Variants in MBOAT1 observed in about 807,000 individuals in gnomAD.
The protein encoded by MBOAT1 is membrane-bound glycerophospholipid O-acyltransferase 1.
In MBOAT1, 67 loss-of-function variants were observed where a neutral mutation model predicts 64.4. That is an observed-to-expected ratio of 1.04 (90% confidence interval 0.85 to 1.27). The LOEUF (loss-of-function observed/expected upper bound fraction) is 1.27, where lower values mean the gene tolerates loss of function less well. Ranked by LOEUF, MBOAT1 falls within the 50% of genes most tolerant of loss-of-function variation. The pLI, the probability that MBOAT1 is intolerant of heterozygous loss-of-function variation, is 0.00. For synonymous variants in MBOAT1, 229 were observed against 218.9 expected, an observed-to-expected ratio of 1.05 and a Z score of -0.41; for missense variants, 563 against 604.6, an observed-to-expected ratio of 0.93 and a Z score of 0.72.
chr6:20,150,520 C>T (rs966564612), intron 3 of MBOAT1, among the ~76,000 whole-genome samples: 1 of 150,482 alleles, frequency 6.6e-6, no homozygotes, highest in African/African-American at 2.4e-5. Flanking sequence ...TTATCCACGA[C>T]ATTGAGTATA....
chr6:20,206,787 C>T (rs974441966), intron 1 of MBOAT1, among the ~76,000 whole-genome samples: 2 of 152,130 alleles, frequency 1.3e-5, no homozygotes, highest in African/African-American at 4.8e-5. Flanking sequence ...AGTTCCCCTG[C>T]TTGCTACACT....
intron 12 of MBOAT1, among the ~76,000 whole-genome samples, chr6:20,104,530 G>A (rs1178506905): frequency 6.6e-6 from 1 of 152,198 alleles, no homozygotes; most frequent in Non-Finnish European, 1.5e-5. Flanking sequence ...AATAAATACT[G>A]GGCCTATCAA....
chr6:20,118,044 T>C (rs1280456385), intron 9 of MBOAT1, among the ~76,000 whole-genome samples: 3 of 152,176 alleles, frequency 2.0e-5, no homozygotes, highest in African/African-American at 4.8e-5. Context: ...CATAGAACGT[T>C]TGCAATATTG....
chr6:20,169,024 A>G (rs532103850), intron 1 of MBOAT1, among the ~76,000 whole-genome samples: 1 of 152,330 alleles, frequency 6.6e-6, no homozygotes, highest in Admixed American at 6.5e-5. Flanking sequence ...CTCCTAAACA[A>G]CAACAACAAA....
At chr6:20,187,439 G>A in intron 1 of MBOAT1, among the ~76,000 whole-genome samples, 1 of 152,252 alleles carries the variant, frequency 6.6e-6, no homozygotes, top group Admixed American at 6.5e-5. Flanking sequence ...TACGGTGGGT[G>A]TTCATGGGGA....
At chr6:20,115,800 G>A (rs893236108) in intron 9 of MBOAT1, among the ~76,000 whole-genome samples, 2 of 152,072 alleles carry the variant, frequency 1.3e-5, no homozygotes, top group Admixed American at 1.3e-4. Context: ...GGTCAGTCTT[G>A]TGCAGTTAAC....
chr6:20,202,771 CTCTA>C (rs972544925), intron 1 of MBOAT1, among the ~76,000 whole-genome samples: 1 of 152,176 alleles, frequency 6.6e-6, no homozygotes, highest in African/African-American at 2.4e-5. Flanking sequence ...ACTGACGACT[CTCTA>C]TCCTTGTGTT....
chr6:20,197,139 T>G (rs1762977951), intron 1 of MBOAT1, among the ~76,000 whole-genome samples: 1 of 151,834 alleles, frequency 6.6e-6, no homozygotes, highest in African/African-American at 2.4e-5. Flanking sequence ...TTTAAATAGA[T>G]GGGAGTCTCA....
rs1378183602 is a variant in MBOAT1, at chr6:20,102,139, A to T, written c.*147T>A. 29 of 475,552 alleles carry T rather than the reference A, an allele frequency of 6.1e-5. No homozygotes were observed. The highest frequency in any genetic ancestry group is 8.3e-5 in the Non-Finnish European group (26 of 311,698). 29.5% of individuals were successfully genotyped at this position (475,552 alleles called of 1,614,324 possible). A position where few individuals can be genotyped will look rare whatever the true frequency, so the allele number is the denominator to read the frequency against. On this transcript the variant is annotated 3_prime_UTR_variant, in exon 13 of 13. Transcript: ENST00000324607. The stretch of plus-strand genomic sequence containing the variant: ...CAAAAAAAAAAAAAAAAAAAAAAAA[A>T]AAAAAATACTCCCTGCACTTTAAAA...
At chr6:20,122,225 C>T (rs528866000) in intron 8 of MBOAT1, among the ~76,000 whole-genome samples, 75 of 152,186 alleles carry the variant, frequency 4.9e-4, no homozygotes, top group East Asian at 9.7e-4. Flanking sequence ...AGTAGGCTTC[C>T]AACCATAGCA....
chr6:20,125,600 G>A (rs556799809), intron 7 of MBOAT1, among the ~76,000 whole-genome samples: 1 of 152,320 alleles, frequency 6.6e-6, no homozygotes, highest in South Asian at 2.1e-4. Context: ...AAAACACTAA[G>A]GTGACAGATA....
intron 1 of MBOAT1, among the ~76,000 whole-genome samples, chr6:20,207,921 A>G (rs940425940): frequency 2.6e-5 from 4 of 152,360 alleles, no homozygotes; most frequent in South Asian, 4.1e-4. Context: ...TAGAGTATAT[A>G]AGCCCTTGCA....
chr6:20,132,846 TA>T (rs1431684178), intron 4 of MBOAT1, among the ~76,000 whole-genome samples: 2 of 152,184 alleles, frequency 1.3e-5, no homozygotes, highest in Non-Finnish European at 2.9e-5. Context: ...CTAGTCTATA[TA>T]AAAACACTCT....
At chr6:20,203,041 C>T (rs1020661500) in intron 1 of MBOAT1, among the ~76,000 whole-genome samples, 16 of 152,172 alleles carry the variant, frequency 1.1e-4, no homozygotes, top group Non-Finnish European at 1.3e-4. Flanking sequence ...TGGTGGCTTC[C>T]GCCTGTAATC....
At chr6:20,112,474 CGGGGCA>C (rs1171932759) in intron 11 of MBOAT1, among the ~76,000 whole-genome samples, 1 of 152,068 alleles carries the variant, frequency 6.6e-6, no homozygotes, top group African/African-American at 2.4e-5. Context: ...TTTCTAGGCT[CGGGGCA>C]ATGAAATGAG....
At chr6:20,135,348 TAAAAAG>T (rs944623978) in intron 4 of MBOAT1, among the ~76,000 whole-genome samples, 5 of 151,990 alleles carry the variant, frequency 3.3e-5, no homozygotes, top group Middle Eastern at 3.2e-3. Flanking sequence ...ATGTTTGAAG[TAAAAAG>T]AAAGCTAGAA....
At chr6:20,134,902 CTTTTTTT>C (rs3057688) in intron 4 of MBOAT1, among the ~76,000 whole-genome samples, 12 of 104,738 alleles carry the variant, frequency 1.1e-4, no homozygotes, top group African/African-American at 1.4e-4. Flanking sequence ...AATTCATGTT[CTTTTTTT>C]TTTTTTTTTT....
intron 1 of MBOAT1, among the ~76,000 whole-genome samples, chr6:20,206,981 C>T (rs1015569549): frequency 1.3e-5 from 2 of 152,216 alleles, no homozygotes; most frequent in East Asian, 3.8e-4. Context: ...CCACCAACTA[C>T]TTGTCAGCAT....
At chr6:20,200,456 G>C (rs1281391666) in intron 1 of MBOAT1, among the ~76,000 whole-genome samples, 1 of 152,122 alleles carries the variant, frequency 6.6e-6, no homozygotes, top group Non-Finnish European at 1.5e-5. Context: ...CTGTTTCCAG[G>C]AGATGGGGAT....
Sources: allele counts gnomAD v4.1 joint callset (sites outside exome capture counted in the v4.1 genomes callset), GRCh38; gene constraint gnomAD v4.1.1; transcripts MANE v1.5; gene names NCBI Gene and HGNC (gene_info 2026-07-23, HGNC 2026-07-21).